The following CCAR1 variants were observed in gnomAD, a reference collection of about 807,000 sequenced individuals.
CCAR1 encodes cell division cycle and apoptosis regulator protein 1.
In CCAR1, 78 loss-of-function variants were observed where a neutral mutation model predicts 163.8. That is an observed-to-expected ratio of 0.48 (90% confidence interval 0.40 to 0.57). The LOEUF is 0.57. Ranked by LOEUF, CCAR1 falls within the 20% of genes least tolerant of loss-of-function variation. The pLI is 0.00. For missense variants in CCAR1, 1,019 were observed against 1,365.2 expected, an observed-to-expected ratio of 0.75 and a Z score of 4.00; for synonymous variants, 443 against 460.7, an observed-to-expected ratio of 0.96 and a Z score of 0.49.
Position 68,771,395 on chromosome 10 carries a change from A to C in CCAR1, c.2488A>C (p.Arg830=). The C allele has an allele frequency of 6.3e-7, 1 of 1,592,164 alleles. No individual in the cohort carries two copies. Among genetic ancestry groups the C allele is most frequent in the Non-Finnish European group, 8.5e-7 (1 of 1,169,900 alleles). The stretch of plus-strand genomic sequence containing the variant: ...AACTGATGAACCAAAACCCAAACGG[A>C]GAAAATCAGGCGATGATAAAGATAA... ...DETDEPKPKR[R]KSGDDKDKKE... Residue 830 remains arginine (R), a synonymous_variant, in exon 18 of 25, where the codon AGA becomes CGA. Transcript: ENST00000265872.
At chr10:68,781,468 A>C (rs1221446060) in intron 19 of CCAR1, among the ~76,000 whole-genome samples, 1 of 152,110 alleles carries the variant, frequency 6.6e-6, no homozygotes, top group Non-Finnish European at 1.5e-5. Context: ...ACTTGAACCC[A>C]GGATGCAGGT....
intron 2 of CCAR1, among the ~76,000 whole-genome samples, chr10:68,736,383 T>C (rs1251984050): frequency 1.3e-5 from 2 of 152,180 alleles, no homozygotes; most frequent in Non-Finnish European, 2.9e-5. Flanking sequence ...TCTCAATGTT[T>C]ACATATATAA....
chr10:68,733,390 GAC>G (rs1350343532), intron 2 of CCAR1, among the ~76,000 whole-genome samples: 1 of 152,160 alleles, frequency 6.6e-6, no homozygotes, highest in Non-Finnish European at 1.5e-5. Flanking sequence ...GAGCCTGTGT[GAC>G]AGAGTGAGAC....
chr10:68,747,186 G>C lies in CCAR1; in HGVS notation c.544G>C (p.Val182Leu), dbSNP rs1474657828. 1 of 1,596,300 alleles carries C rather than the reference G, an allele frequency of 6.3e-7. No individual in the cohort carries two copies. The change falls in exon 7 of 25, where the codon GTA (valine) becomes CTA (leucine). Residue 182 changes from valine (V) to leucine (L), a missense_variant. Transcript: ENST00000265872. Reference protein sequence around the residue: ...LSAVKGKTPQVGDRVLVEATY... With the variant: ...LSAVKGKTPQLGDRVLVEATY... ...TGCTGTCAAAGGGAAAACCCCCCAA[G>C]TAGGTGACAGAGTATTGGTTGAAGC...
chr10:68,728,542 A>T (rs1311622862), intron 2 of CCAR1, among the ~76,000 whole-genome samples: 1 of 152,310 alleles, frequency 6.6e-6, no homozygotes, highest in Middle Eastern at 3.4e-3. Flanking sequence ...TGCCAGGAGC[A>T]CTAGTCCTCA....
chr10:68,739,225 C>T (rs372523399), intron 4 of CCAR1, among the ~76,000 whole-genome samples: 2 of 152,198 alleles, frequency 1.3e-5, no homozygotes, highest in Admixed American at 6.5e-5. Context: ...TCTTGGCTCG[C>T]TGCAACCTCT....
At chr10:68,790,108 C>T (rs1051278667) in intron 24 of CCAR1, among the ~76,000 whole-genome samples, 193 bp downstream of exon 24, 2 of 152,130 alleles carry the variant, frequency 1.3e-5, no homozygotes, top group African/African-American at 2.4e-5. Flanking sequence ...AATCCCAGCA[C>T]TTTGGGAGGC....
Position 68,786,564 on chromosome 10 carries a change from A to T in CCAR1, c.2752A>T (p.Met918Leu). 1 of 1,566,582 alleles carries T rather than the reference A, an allele frequency of 6.4e-7. No homozygotes were observed. The highest frequency in any genetic ancestry group is 8.6e-7 in the Non-Finnish European group (1 of 1,161,162). The change falls in exon 21 of 25, where the codon ATG becomes TTG. Residue 918 changes from methionine (M) to leucine (L), a missense_variant. Physicochemically the swap from Met to Leu is conservative, Grantham distance 15. Around this residue, in one of 4 missense-constraint regions of CCAR1, gnomAD observed 358 missense variants for 406.4 expected, o/e 0.88. Transcript: ENST00000265872. ...TTCTTAGGAAAAAGAAAAGACTCAA[A>T]TGATCACAATTAACAGAGATCTGTT... ...SKDKEKEKTQ[M>L]ITINRDLLMA...
intron 6 of CCAR1, among the ~76,000 whole-genome samples, chr10:68,745,197 A>AG (rs1220393329): frequency 2.6e-5 from 4 of 151,892 alleles, no homozygotes; most frequent in African/African-American, 9.7e-5. Flanking sequence ...TAGTAGAGAC[A>AG]GGGTTTCACC....
chr10:68,728,753 G>A (rs2055986718), intron 2 of CCAR1, among the ~76,000 whole-genome samples: 1 of 152,118 alleles, frequency 6.6e-6, no homozygotes, highest in South Asian at 2.1e-4. Context: ...TCAGGAGTTT[G>A]AGACCCACCC....
At chr10:68,762,070 C>T (rs541124704) in intron 16 of CCAR1, among the ~76,000 whole-genome samples, 123 of 152,024 alleles carry the variant, frequency 8.1e-4, no homozygotes, top group African/African-American at 2.9e-3. Context: ...TGGCTCATGC[C>T]TGTAATCCCA....
rs1443520482 is a variant in CCAR1 at position 68,750,244 on chromosome 10, C to G, written c.1118+559C>G. ...TTTTTTTTTTTTTTTGAGATAGGGT[C>G]TTACTCTTTCACCCAGGTTGGAGTG... On this transcript the variant is annotated intron_variant, in intron 10 of 24. Coordinates refer to ENST00000265872, the MANE Select transcript of CCAR1 (RefSeq NM_018237.4). Among the ~76,000 whole-genome samples the G allele has an allele frequency of 6.0e-5, 7 of 116,780 alleles. No individual in the cohort carries two copies. In the South Asian group the frequency reaches 1.6e-3, roughly 26 times the overall value. The allele number at this position is 116,780 out of a possible 152,430, so 76.6% of individuals were successfully genotyped here. A position where few individuals can be genotyped will look rare whatever the true frequency, so the allele number is the denominator to read the frequency against.
rs74750017 is a variant in CCAR1 at position 68,724,425 on chromosome 10, G to C, written c.73+1848G>C. Reference sequence around the variant, plus strand: ...AGGTTGAGTGAGCTGATATCGCAACGCTACACTCCAGTCTGGGTGATAAAG... The same window carrying C: ...AGGTTGAGTGAGCTGATATCGCAACCCTACACTCCAGTCTGGGTGATAAAG... On this transcript the variant is annotated intron_variant, in intron 2 of 24. Coordinates refer to ENST00000265872, the MANE Select transcript of CCAR1 (RefSeq NM_018237.4). Among the ~76,000 whole-genome samples, 566 of 152,112 alleles carry C rather than the reference G, an allele frequency of 3.7e-3. 6 individuals are homozygous for C. Among genetic ancestry groups the C allele is most frequent in the African/African-American group, 0.013 (543 of 41,486 alleles).
In CCAR1 at chr10:68,749,520, T is replaced by A; in HGVS notation, c.957-4T>A. 1 of 1,604,996 alleles carries A rather than the reference T, an allele frequency of 6.2e-7. No homozygotes were observed. Among genetic ancestry groups the A allele is most frequent in the Admixed American group, 1.7e-5 (1 of 57,502 alleles). ...TTAGTAATTTTAGAAAAATTTGCTTTCAGTCGTGAGAGAGAGAGAGAAAGA... is the reference window on the plus strand; with the variant it reads ...TTAGTAATTTTAGAAAAATTTGCTTACAGTCGTGAGAGAGAGAGAGAAAGA... On this transcript the variant is annotated splice_region_variant and splice_polypyrimidine_tract_variant and intron_variant, in intron 9 of 24. Transcript: ENST00000265872.
At chr10:68,760,814 A>G in intron 15 of CCAR1, 193 bp from the exon 16 acceptor site, 1 of 351,786 alleles carries the variant, frequency 2.8e-6, no homozygotes, top group Non-Finnish European at 5.1e-6. Context: ...TGGTAAGCCG[A>G]GATCACGCCA....
chr10:68,775,074 T>C, intron 19 of CCAR1: 1 of 307,112 alleles, frequency 3.3e-6, no homozygotes, highest in South Asian at 2.8e-5. Context: ...AAAAAGTTGA[T>C]AGTGCAGTGA....
Position 68,783,595 on chromosome 10 carries a change from C to T in CCAR1, c.2651-2541C>T, listed in dbSNP as rs892535282. ...CCAGCCTGGCCAACATGGTGAAACC[C>T]CAACTCTACTAAAAATTCTCATGGA... On this transcript the variant is annotated intron_variant, in intron 19 of 24. Coordinates refer to ENST00000265872, the MANE Select transcript of CCAR1 (RefSeq NM_018237.4). Among the ~76,000 whole-genome samples, 7 of 152,166 alleles carry T rather than the reference C, an allele frequency of 4.6e-5. No individual in the cohort carries two copies. The East Asian group carries it at 1.4e-3, about 30-fold the overall frequency.
intron 15 of CCAR1, among the ~76,000 whole-genome samples, chr10:68,760,466 AT>A (rs1178483511): frequency 6.6e-6 from 1 of 152,224 alleles, no homozygotes; most frequent in African/African-American, 2.4e-5. Flanking sequence ...ATTTAAAAAA[AT>A]TTTTATGCAT....
chr10:68,747,517 A>G lies in CCAR1; in HGVS notation c.777A>G (p.Pro259=), dbSNP rs754607534. The G allele has an allele frequency of 2.3e-5, 37 of 1,614,050 alleles. No homozygotes were observed. The highest frequency in any genetic ancestry group is 2.9e-5 in the Non-Finnish European group (34 of 1,180,028). The change falls in exon 8 of 25, where the codon CCA becomes CCG. Residue 259 remains proline, a synonymous_variant. Transcript: ENST00000265872. ...AGATTTCAGCAGCTTCTATTACACC[A>G]CTATTGCAGACTCAACCACAGCCCT... ...QAQISAASIT[P]LLQTQPQPLL...
Sources: allele counts gnomAD v4.1 joint callset (sites outside exome capture counted in the v4.1 genomes callset), GRCh38; gene constraint gnomAD v4.1.1; regional missense constraint gnomAD v4.1.1; transcripts MANE v1.5; gene names NCBI Gene and HGNC (gene_info 2026-07-23, HGNC 2026-07-21).